WDR86: variants seen among roughly 807,000 people sequenced by gnomAD.
WDR86 encodes WD repeat domain 86.
In WDR86, 30 loss-of-function variants were observed where a neutral mutation model predicts 36.5. The observed-to-expected ratio is 0.82, with a 90% CI of 0.61 to 1.11. The LOEUF is 1.11. Ranked by LOEUF, WDR86 falls within the 50% of genes most tolerant of loss-of-function variation. The pLI is 0.00. For synonymous variants in WDR86, 255 were observed against 252.9 expected (o/e 1.01, Z -0.08); for missense variants, 545 against 561.2 (o/e 0.97, Z 0.29).
chr7:151,410,013 C>A lies in WDR86; in HGVS notation c.-424G>T, dbSNP rs536755199. The A allele has an allele frequency of 1.1e-4, 113 of 995,454 alleles. 1 individual carries two copies. The African/African-American group carries it at 1.8e-3, about 16-fold the overall frequency. The allele number at this position is 995,454 out of a possible 1,614,324, so 61.7% of individuals were successfully genotyped here. Reference sequence around the variant, plus strand: ...GGGAAGCCGAGCGCCCCGCGCCCTCCCCGGCCGAGCGCGGAACAATACGGT... The same window carrying A: ...GGGAAGCCGAGCGCCCCGCGCCCTCACCGGCCGAGCGCGGAACAATACGGT... On this transcript the variant is annotated 5_prime_UTR_variant, in exon 1 of 6. Coordinates refer to ENST00000334493, the MANE Select transcript of WDR86 (RefSeq NM_198285.3).
At chr7:151,374,004 C>T (rs970043924), downstream of WDR86, 30 of 1,395,338 alleles carry the variant, frequency 2.2e-5, no homozygotes, top group African/African-American at 4.1e-4. Flanking sequence ...TTTGGCTTTG[C>T]CTGGAAATGC....
chr7:151,392,896 C>G (rs1393422922), intron 3 of WDR86, among the ~76,000 whole-genome samples: 1 of 152,154 alleles, frequency 6.6e-6, no homozygotes. Context: ...TGCCCGTCTC[C>G]AGAGCCCCCC....
rs1798878936 is a variant in WDR86, at chr7:151,385,202, A to G, written c.748T>C (p.Ser250Pro). The change falls in exon 4 of 6, where the codon TCT (serine) becomes CCT (proline). Residue 250 changes from serine (S) to proline (P), a missense_variant. Coordinates refer to ENST00000334493, the MANE Select transcript of WDR86 (RefSeq NM_198285.3). The part of the protein sequence containing the change: ...CLELVNRLVY[S>P]GSADRTVKCW... Reference sequence around the variant, plus strand: ...TTGACGGTCCTGTCCGCGCTGCCAGAGTACACGAGTCGGTTCACCAGCTGC... The same window carrying G: ...TTGACGGTCCTGTCCGCGCTGCCAGGGTACACGAGTCGGTTCACCAGCTGC... 3.7e-6 allele frequency: 6 copies of G among 1,612,568 alleles called. No individual in the cohort carries two copies. Among genetic ancestry groups the G allele is most frequent in the Non-Finnish European group, 5.1e-6 (6 of 1,179,874 alleles).
chr7:151,406,933 G>GA lies in WDR86; in HGVS notation c.163+2493dup, dbSNP rs201297225. On this transcript the variant is annotated intron_variant, in intron 1 of 5. Transcript: ENST00000334493. The surrounding 1 kb of genome is among the most constrained non-coding windows in gnomAD (Gnocchi z 4.4). ...ACATTTTAATAATATTTCACTGATA[G>GA]AAAAAAAAAATCCTGCAGGAGAAAG... Among the ~76,000 whole-genome samples, 70 of 149,782 alleles carry GA rather than the reference G, an allele frequency of 4.7e-4. No homozygotes were observed. Among genetic ancestry groups the GA allele is most frequent in the African/African-American group, 1.5e-3 (60 of 40,896 alleles).
downstream of WDR86, chr7:151,376,531 G>T: frequency 8.9e-7 from 1 of 1,119,562 alleles, no homozygotes; most frequent in Non-Finnish European, 1.3e-6. Flanking sequence ...TGCACACGCC[G>T]GGAGCTCTTA....
chr7:151,382,435 C>T (rs732749), intron 4 of WDR86, among the ~76,000 whole-genome samples: 16,407 of 152,242 alleles, frequency 0.11, 1,288 homozygotes, highest in East Asian at 0.34. Flanking sequence ...GGACCCCTAG[C>T]GGGGGCGAGC....
Position 151,400,226 on chromosome 7 carries a change from A to G in WDR86, c.179T>C (p.Val60Ala). 1 of 1,609,922 alleles carries G rather than the reference A, an allele frequency of 6.2e-7. No individual in the cohort carries two copies. The highest frequency in any genetic ancestry group is 1.7e-4 in the Middle Eastern group (1 of 6,038). The change falls in exon 2 of 6, where the codon GTG becomes GCG. Residue 60 changes from valine (V) to alanine (A), a missense_variant. Coordinates refer to ENST00000334493, the MANE Select transcript of WDR86 (RefSeq NM_198285.3). ...CALLQGHESY[V>A]TFCQLEDEAA... Reference sequence around the variant, plus strand: ...CTCATCCTCCAGCTGGCAGAAGGTCACATAGCTTTCATGTCCTGCAGATGA... The same window carrying G: ...CTCATCCTCCAGCTGGCAGAAGGTCGCATAGCTTTCATGTCCTGCAGATGA...
chr7:151,389,229 A>C (rs2150775371), intron 3 of WDR86, among the ~76,000 whole-genome samples: 1 of 151,560 alleles, frequency 6.6e-6, no homozygotes, highest in South Asian at 2.1e-4. Flanking sequence ...GTGCTGGGAT[A>C]ACAGGCGTGA....
In WDR86 at chr7:151,409,642, GC is replaced by G. The variant is rs1340625404; in HGVS notation, c.-54del. 10 of 1,320,226 alleles carry G rather than the reference GC, an allele frequency of 7.6e-6. No individual in the cohort carries two copies. The highest frequency in any genetic ancestry group is 4.0e-5 in the Admixed American group (1 of 24,728). The allele number at this position is 1,320,226 out of a possible 1,614,324, so 81.8% of individuals were successfully genotyped here. On this transcript the variant is annotated 5_prime_UTR_variant, in exon 1 of 6. An upstream open reading frame in the 5' UTR loses its in-frame stop. Transcript: ENST00000334493. The surrounding 1 kb of genome is among the most constrained non-coding windows in gnomAD (Gnocchi z 5.2). The stretch of plus-strand genomic sequence containing the variant: ...GAGCTGCGCCCCGCTAGGGAGGGGC[GC>G]CCCGGGGTCCGCGCGGCGGCTCCGT...
chr7:151,379,031 G>A (rs1026271841), downstream of WDR86, among the ~76,000 whole-genome samples: 2 of 152,238 alleles, frequency 1.3e-5, no homozygotes, highest in Non-Finnish European at 2.9e-5. Context: ...GGAGGGGGCA[G>A]GACGGTGCTG....
intron 4 of WDR86, among the ~76,000 whole-genome samples, chr7:151,383,748 A>G (rs1798780226): frequency 6.6e-6 from 1 of 152,206 alleles, no homozygotes; most frequent in Non-Finnish European, 1.5e-5. Flanking sequence ...TGGAAAACCC[A>G]GTGTGGCTGC....
In WDR86 at chr7:151,409,902, G is replaced by A; in HGVS notation, c.-313C>T. The A allele has an allele frequency of 8.9e-7, 1 of 1,122,234 alleles. No homozygotes were observed. Among genetic ancestry groups the A allele is most frequent in the Non-Finnish European group, 1.1e-6 (1 of 918,366 alleles). The allele number at this position is 1,122,234 out of a possible 1,614,324, so 69.5% of individuals were successfully genotyped here. The stretch of plus-strand genomic sequence containing the variant: ...CGCTCGGAGGATCCACACCCCACCG[G>A]GCGAACAAGGCAGCTGCGTCTCTGG... On this transcript the variant is annotated 5_prime_UTR_variant, in exon 1 of 6. Coordinates refer to ENST00000334493, the MANE Select transcript of WDR86 (RefSeq NM_198285.3). This position sits in a 1 kb window ranked among gnomAD's most constrained non-coding sequence, Gnocchi z 5.2.
chr7:151,377,205 T>C, downstream of WDR86: 2 of 1,553,656 alleles, frequency 1.3e-6, no homozygotes, highest in Non-Finnish European at 1.7e-6. Flanking sequence ...AAATAGGAAG[T>C]CAGCAACAAA....
intron 2 of WDR86, among the ~76,000 whole-genome samples, chr7:151,397,938 G>T (rs1383931359): frequency 6.6e-6 from 1 of 152,090 alleles, no homozygotes; most frequent in Non-Finnish European, 1.5e-5. Flanking sequence ...GCCACTGAAC[G>T]ATCGGTGACC....
chr7:151,402,070 A>AAAAATAT lies in WDR86; in HGVS notation c.164-1830_164-1829insATATTTT. On this transcript the variant is annotated intron_variant, in intron 1 of 5. Transcript: ENST00000334493. ...CTCAAAAAAAAAAAAAAAAAAAAAA[A>AAAAATAT]ATATATATATATATATATATATCTC... Among the ~76,000 whole-genome samples, 10 of 50,534 alleles carry AAAAATAT rather than the reference A, an allele frequency of 2.0e-4. No individual in the cohort carries two copies. In the East Asian group the frequency reaches 3.4e-3, roughly 17 times the overall value. The allele number at this position is 50,534 out of a possible 152,430, so 33.2% of individuals were successfully genotyped here.
intron 2 of WDR86, among the ~76,000 whole-genome samples, chr7:151,398,893 C>T (rs1321973480): frequency 1.3e-5 from 2 of 152,188 alleles, no homozygotes; most frequent in East Asian, 3.8e-4. Context: ...GCAGCCTCTG[C>T]CTGACTCACA....
At chr7:151,381,012 C>A, downstream of WDR86, 1 of 451,194 alleles carries the variant, frequency 2.2e-6, no homozygotes, top group Non-Finnish European at 3.1e-6. This position sits in a 1 kb window ranked among gnomAD's most constrained non-coding sequence, Gnocchi z 4.8. Context: ...CTGCCCAGGC[C>A]GGTTGTGAGA....
chr7:151,397,976 T>G lies in WDR86; in HGVS notation c.306-1780A>C, dbSNP rs1585031922. Among the ~76,000 whole-genome samples, 3 of 152,210 alleles carry G rather than the reference T, an allele frequency of 2.0e-5. No homozygotes were observed. In the East Asian group the frequency reaches 5.8e-4, roughly 29 times the overall value. On this transcript the variant is annotated intron_variant, in intron 2 of 5. Transcript: ENST00000334493. ...AAAGCTCACAGGCCTGACCTGGCTCTGAAAACTCGGGAGGAAGTGAGTTCC... is the reference window on the plus strand; with the variant it reads ...AAAGCTCACAGGCCTGACCTGGCTCGGAAAACTCGGGAGGAAGTGAGTTCC...
Position 151,409,682 on chromosome 7 carries a change from G to A in WDR86, c.-93C>T. 1.6e-6 allele frequency: 2 copies of A among 1,290,142 alleles called. No homozygotes were observed. Among genetic ancestry groups the A allele is most frequent in the Non-Finnish European group, 2.0e-6 (2 of 1,021,912 alleles). The allele number at this position is 1,290,142 out of a possible 1,614,324, so 79.9% of individuals were successfully genotyped here. The stretch of plus-strand genomic sequence containing the variant: ...CGGCGGCTCCGTACGACTGCGGCCC[G>A]CGGCCATCGCGGGGAACGGGGAGCC... On this transcript the variant is annotated 5_prime_UTR_variant, in exon 1 of 6. Coordinates refer to ENST00000334493, the MANE Select transcript of WDR86 (RefSeq NM_198285.3). This position sits in a 1 kb window ranked among gnomAD's most constrained non-coding sequence, Gnocchi z 5.2.
Sources: gnomAD v4.1 joint callset for allele counts (sites outside exome capture counted in the v4.1 genomes callset) on GRCh38, gnomAD v4.1.1 for gene constraint, Gnocchi (gnomAD v3.1) non-coding constraint, MANE v1.5 for transcripts, NCBI Gene and HGNC (gene_info 2026-07-23, HGNC 2026-07-21) for gene names.